Variants in NPAS3 observed in about 807,000 individuals in gnomAD.
NPAS3 encodes neuronal PAS domain protein 3, also known as neuronal PAS domain-containing protein 3.
NPAS3 carries 14 observed loss-of-function variants against 73.1 expected under a neutral mutation model. The ratio of observed to expected loss-of-function variants is 0.19; its 90% CI spans 0.13 to 0.30. The LOEUF (loss-of-function observed/expected upper bound fraction) is 0.30, where lower values mean the gene tolerates loss of function less well. Among genes scored for constraint, NPAS3 ranks in the 10% least tolerant of loss-of-function variants. The pLI is 1.00. For missense variants in NPAS3, 1,096 were observed against 1,250.0 expected, an observed-to-expected ratio of 0.88 and a Z score of 1.86; for synonymous variants, 620 against 541.5, an observed-to-expected ratio of 1.14 and a Z score of -2.01.
At chr14:33,151,488 A>G (rs1182392957) in intron 2 of NPAS3, among the ~76,000 whole-genome samples, 1 of 152,116 alleles carries the variant, frequency 6.6e-6, no homozygotes, top group Non-Finnish European at 1.5e-5. Flanking sequence ...GAGAATGTGC[A>G]TTTTCTTGTG....
intron 5 of NPAS3, among the ~76,000 whole-genome samples, chr14:33,600,333 G>A (rs1337729210): frequency 6.6e-6 from 1 of 152,150 alleles, no homozygotes; most frequent in African/African-American, 2.4e-5. Context: ...GAGTCTGTAA[G>A]TCTGCTTAGA....
At chr14:33,224,860 G>A (rs538552861) in intron 3 of NPAS3, among the ~76,000 whole-genome samples, 23 of 152,000 alleles carry the variant, frequency 1.5e-4, no homozygotes, top group Non-Finnish European at 1.2e-4. Context: ...TTTTAAGAAG[G>A]CATTAGGAAA....
intron 5 of NPAS3, chr14:33,578,202 T>C (rs547412155): frequency 1.1e-4 from 52 of 455,986 alleles, no homozygotes; most frequent in Middle Eastern, 9.8e-4. Context: ...TGTTTTTTTT[T>C]CCCTCTTTGA....
At chr14:33,443,158 A>C (rs1293286735) in intron 4 of NPAS3, among the ~76,000 whole-genome samples, 2 of 152,144 alleles carry the variant, frequency 1.3e-5, no homozygotes, top group Non-Finnish European at 2.9e-5. Context: ...TTATTACTCC[A>C]TTTAACTATA....
chr14:33,719,693 C>T (rs1328499822), intron 6 of NPAS3, among the ~76,000 whole-genome samples: 1 of 152,132 alleles, frequency 6.6e-6, no homozygotes, highest in Non-Finnish European at 1.5e-5. Context: ...TTCTCTTCAA[C>T]GAGTCACCAG....
intron 4 of NPAS3, among the ~76,000 whole-genome samples, chr14:33,427,297 G>GT (rs74759519): frequency 0.15 from 22,074 of 151,848 alleles, 2,613 homozygotes; most frequent in East Asian, 0.38. Flanking sequence ...CCTCAAGCCT[G>GT]TTCTCTCTGC....
Position 32,994,252 on chromosome 14 carries a change from G to A in NPAS3, c.50+54886G>A, listed in dbSNP as rs923506165. Among the ~76,000 whole-genome samples, 3 of 152,324 alleles carry A rather than the reference G, an allele frequency of 2.0e-5. No individual in the cohort carries two copies. In the East Asian group the frequency reaches 5.8e-4, roughly 29 times the overall value. ...TAATGTACACTATTGAGAACAAAAT[G>A]TAAATGGTTTGGGCATTCTATGGTA... On this transcript the variant is annotated intron_variant, in intron 1 of 11. Coordinates refer to ENST00000356141, the Ensembl canonical transcript of NPAS3.
In NPAS3 at chr14:33,779,800, T is replaced by A. The variant is rs560931662; in HGVS notation, c.1153+1228T>A. On this transcript the variant is annotated intron_variant, in intron 9 of 11. Transcript: ENST00000356141. ...ATGAAATACCCTAGTGATGCATTTC[T>A]TAGAATGTATCCCCATCATTAAACA... is the stretch of plus-strand genomic sequence containing the variant. 3.3e-5 allele frequency among the ~76,000 whole-genome samples: 5 copies of A among 152,318 alleles called. No homozygotes were observed. In the East Asian group the frequency reaches 9.6e-4, roughly 29 times the overall value.
At chr14:33,037,514 A>G (rs2040210498) in intron 1 of NPAS3, among the ~76,000 whole-genome samples, 1 of 151,738 alleles carries the variant, frequency 6.6e-6, no homozygotes, top group Admixed American at 6.6e-5. Context: ...AAAAAAGAAA[A>G]AATTAGGTTG....
intron 1 of NPAS3, among the ~76,000 whole-genome samples, chr14:33,024,803 T>C (rs1303565376): frequency 1.3e-5 from 2 of 152,186 alleles, no homozygotes; most frequent in African/African-American, 4.8e-5. Context: ...GTATCTGTAG[T>C]TTTCAAACTC....
intron 3 of NPAS3, among the ~76,000 whole-genome samples, chr14:33,274,739 G>C (rs774853415): frequency 6.6e-6 from 1 of 152,150 alleles, no homozygotes; most frequent in East Asian, 1.9e-4. Flanking sequence ...GCCAGGAAAT[G>C]AGTTTAGAGT....
intron 4 of NPAS3, among the ~76,000 whole-genome samples, chr14:33,546,023 T>C (rs2054825954): frequency 6.6e-6 from 1 of 152,188 alleles, no homozygotes; most frequent in South Asian, 2.1e-4. Context: ...TCCTCAATCC[T>C]CTTCTTCTGG....
intron 2 of NPAS3, among the ~76,000 whole-genome samples, chr14:33,100,426 AT>A (rs2042548090): frequency 6.6e-6 from 1 of 152,184 alleles, no homozygotes; most frequent in African/African-American, 2.4e-5. Context: ...TATAGTCATC[AT>A]TTTTTAAGGT....
At chr14:33,567,228 A>C (rs1291581678) in intron 5 of NPAS3, among the ~76,000 whole-genome samples, 1 of 152,170 alleles carries the variant, frequency 6.6e-6, no homozygotes. Flanking sequence ...TCAGTTCACC[A>C]TATTCAACCC....
intron 6 of NPAS3, among the ~76,000 whole-genome samples, chr14:33,733,726 TA>T (rs2061456392): frequency 6.6e-6 from 1 of 151,988 alleles, no homozygotes; most frequent in Non-Finnish European, 1.5e-5. Flanking sequence ...CCTCGAGTGA[TA>T]AAAAGCTGTA....
rs1335367155 is a variant in NPAS3, at chr14:33,123,066, G to C, written c.140+67072G>C. 2.6e-5 allele frequency among the ~76,000 whole-genome samples: 4 copies of C among 151,810 alleles called. No homozygotes were observed. In the East Asian group the frequency reaches 5.8e-4, roughly 22 times the overall value. ...GACTGTCATTGCTGCACACAACAAA[G>C]ATATACCTTTTAAACAACATTTTAT... On this transcript the variant is annotated intron_variant, in intron 2 of 11. Transcript: ENST00000356141.
At chr14:33,170,969 G>A (rs1489143185) in intron 2 of NPAS3, among the ~76,000 whole-genome samples, 1 of 152,178 alleles carries the variant, frequency 6.6e-6, no homozygotes, top group Non-Finnish European at 1.5e-5. Context: ...TTTCCAGAAG[G>A]TTTTCAACTG....
At chr14:33,332,931 TTGTC>T (rs1303535915) in intron 3 of NPAS3, among the ~76,000 whole-genome samples, 3 of 152,344 alleles carry the variant, frequency 2.0e-5, no homozygotes, top group African/African-American at 4.8e-5. Context: ...ATTAGATACT[TTGTC>T]TGTAAAGACA....
At chr14:33,022,666 A>C (rs1320769947) in intron 1 of NPAS3, among the ~76,000 whole-genome samples, 6 of 20,344 alleles carry the variant, frequency 2.9e-4, no homozygotes, top group African/African-American at 2.6e-3. Flanking sequence ...CTCCGTCCCA[A>C]AAAAAAAAAA....
Sources: allele counts gnomAD v4.1 joint callset (sites outside exome capture counted in the v4.1 genomes callset), GRCh38; gene constraint gnomAD v4.1.1; transcripts MANE v1.5; gene names NCBI Gene and HGNC (gene_info 2026-07-23, HGNC 2026-07-21).